Variants in FANCC observed in about 807,000 individuals in gnomAD.
FANCC encodes Fanconi anemia group C protein.
FANCC carries 55 observed loss-of-function variants against 71.3 expected under a neutral mutation model. The observed-to-expected ratio is 0.77, with a 90% confidence interval of 0.62 to 0.97. The LOEUF is 0.97. FANCC is among the 50% of genes least tolerant of loss of function. The probability of loss-of-function intolerance (pLI) is 0.00; values close to 1 mark genes in which losing one functional copy is unlikely to be tolerated. For missense variants in FANCC, 678 were observed against 670.9 expected, an observed-to-expected ratio of 1.01 and a Z score of -0.12; for synonymous variants, 275 against 244.9, an observed-to-expected ratio of 1.12 and a Z score of -1.15.
intron 4 of FANCC, among the ~76,000 whole-genome samples, chr9:95,177,213 C>T (rs927532928): frequency 6.6e-6 from 1 of 152,176 alleles, no homozygotes; most frequent in African/African-American, 2.4e-5. Context: ...GGGCTACAAA[C>T]CTGTGCAGCA....
chr9:95,264,960 AATTTACCCCTGTGTTTGTG>A (rs1361181043), intron 1 of FANCC, among the ~76,000 whole-genome samples: 1 of 149,780 alleles, frequency 6.7e-6, no homozygotes, highest in Non-Finnish European at 1.5e-5. Context: ...AAGACTGGTC[AATTTACCCCTGTGTTTGTG>A]GCTTTTTTTT....
intron 1 of FANCC, among the ~76,000 whole-genome samples, chr9:95,264,912 GCTGAAATGTAATGTTT>G (rs1832296292): frequency 6.6e-6 from 1 of 151,418 alleles, no homozygotes; most frequent in Non-Finnish European, 1.5e-5. Flanking sequence ...TTTTTAATTT[GCTGAAATGTAATGTTT>G]CTTTGCTTCA....
chr9:95,211,228 T>G lies in FANCC; in HGVS notation c.345+29421A>C, dbSNP rs576165537. On this transcript the variant is annotated intron_variant, in intron 4 of 14. Coordinates refer to ENST00000289081, the MANE Select transcript of FANCC (RefSeq NM_000136.3). ...CTGGGTGCACTTTCTGAATCAGGGC[T>G]GGAGAGCCATCGTGAGCAGAGCACA... Among the ~76,000 whole-genome samples the G allele has an allele frequency of 3.9e-5, 6 of 152,318 alleles. No individual in the cohort carries two copies. The South Asian group carries it at 1.2e-3, about 32-fold the overall frequency.
At chr9:95,111,923 G>A (rs1028414777) in intron 12 of FANCC, among the ~76,000 whole-genome samples, 1 of 152,214 alleles carries the variant, frequency 6.6e-6, no homozygotes, top group African/African-American at 2.4e-5. Flanking sequence ...ACTGAAGAAG[G>A]AAGACTGCGG....
intron 1 of FANCC, among the ~76,000 whole-genome samples, chr9:95,251,224 T>G (rs1335226312): frequency 2.0e-5 from 3 of 152,228 alleles, no homozygotes; most frequent in Admixed American, 2.0e-4. Flanking sequence ...AATTAAGGAA[T>G]GAATAATTCA....
At chr9:95,166,659 C>T (rs967507981) in intron 6 of FANCC, among the ~76,000 whole-genome samples, 5 of 152,104 alleles carry the variant, frequency 3.3e-5, no homozygotes, top group African/African-American at 4.8e-5. Flanking sequence ...GGTTCTGTAT[C>T]CATGGATTCA....
chr9:95,114,766 G>A (rs929089229), intron 11 of FANCC, 56 bp from the exon 12 acceptor site: 34 of 1,461,634 alleles, frequency 2.3e-5, no homozygotes, highest in Non-Finnish European at 3.2e-5. Flanking sequence ...AAGCCCATGA[G>A]GAACCACCTG....
intron 4 of FANCC, among the ~76,000 whole-genome samples, chr9:95,174,249 GTC>G (rs1283359247): frequency 1.3e-5 from 2 of 152,090 alleles, no homozygotes; most frequent in African/African-American, 4.8e-5. Context: ...TGAATGCTGT[GTC>G]TTCACATGGT....
chr9:95,192,540 G>A (rs1237336385), intron 4 of FANCC, among the ~76,000 whole-genome samples: 6 of 152,092 alleles, frequency 3.9e-5, no homozygotes, highest in Admixed American at 2.0e-4. Context: ...GCTGTTCAAC[G>A]CAATTACGAA....
At chr9:95,162,942 A>G (rs188873525) in intron 6 of FANCC, among the ~76,000 whole-genome samples, 57 of 152,280 alleles carry the variant, frequency 3.7e-4, no homozygotes, top group African/African-American at 1.3e-3. Flanking sequence ...CCTTTGTTGC[A>G]CAGACACTTA....
At chr9:95,246,890 A>G (rs1220714365) in intron 3 of FANCC, among the ~76,000 whole-genome samples, 1 of 152,186 alleles carries the variant, frequency 6.6e-6, no homozygotes, top group Non-Finnish European at 1.5e-5. Context: ...ACCTCCCCAA[A>G]GTGCCCCCAC....
At chr9:95,241,333 A>G (rs926084321) in intron 3 of FANCC, among the ~76,000 whole-genome samples, 3 of 152,232 alleles carry the variant, frequency 2.0e-5, no homozygotes, top group African/African-American at 7.2e-5. Context: ...GAAGTCTCTT[A>G]CATGCTCTTT....
intron 4 of FANCC, among the ~76,000 whole-genome samples, chr9:95,219,951 T>G (rs1354597631): frequency 1.3e-5 from 2 of 152,062 alleles, no homozygotes; most frequent in African/African-American, 4.8e-5. Flanking sequence ...GGGAGAAAAT[T>G]TTTGCAATCT....
intron 1 of FANCC, chr9:95,293,878 T>A: frequency 6.2e-7 from 1 of 1,606,518 alleles, no homozygotes; most frequent in South Asian, 1.1e-5. Flanking sequence ...CAAGCTGGAA[T>A]GTGCAGAGAC....
chr9:95,100,135 T>G lies in FANCC; in HGVS notation c.*1572A>C. The G allele has an allele frequency of 4.3e-6, 1 of 232,752 alleles. No homozygotes were observed. The highest frequency in any genetic ancestry group is 8.5e-6 in the Non-Finnish European group (1 of 117,740). 14.4% of individuals were successfully genotyped at this position (232,752 alleles called of 1,614,324 possible). A position where few individuals can be genotyped will look rare whatever the true frequency, so the allele number is the denominator to read the frequency against. On this transcript the variant is annotated 3_prime_UTR_variant, in exon 15 of 15. Coordinates refer to ENST00000289081, the MANE Select transcript of FANCC (RefSeq NM_000136.3). ...CTCCAGTGAAGCATGCAGCTCCTTT[T>G]TCAACCCCAACACCTCTGACGAAGC... is the stretch of plus-strand genomic sequence containing the variant.
intron 1 of FANCC, among the ~76,000 whole-genome samples, chr9:95,254,186 C>A (rs1229441952): frequency 6.6e-6 from 1 of 152,238 alleles, no homozygotes; most frequent in Non-Finnish European, 1.5e-5. Context: ...ACTATCTATC[C>A]ACATTTTAAT....
rs115638869 is a variant in FANCC, at chr9:95,105,856, C to G, written c.1533+1210G>C. 8.3e-3 allele frequency among the ~76,000 whole-genome samples: 1,269 copies of G among 152,324 alleles called. 17 individuals carry two copies. The highest frequency in any genetic ancestry group is 0.029 in the African/African-American group (1,187 of 41,578). ...TACTCTCTTGTGGGTACAGATCACA[C>G]GGTGCATTGCTTGTCCCTCTACAGG... On this transcript the variant is annotated intron_variant, in intron 14 of 14. Coordinates refer to ENST00000289081, the MANE Select transcript of FANCC (RefSeq NM_000136.3).
intron 14 of FANCC, among the ~76,000 whole-genome samples, chr9:95,105,867 T>C (rs1315340894): frequency 2.0e-5 from 3 of 152,232 alleles, no homozygotes; most frequent in African/African-American, 7.2e-5. Context: ...GGTGCATTGC[T>C]TGTCCCTCTA....
At chr9:95,146,487 C>CAAAAAAAAA (rs61093923) in intron 7 of FANCC, among the ~76,000 whole-genome samples, 11 of 45,516 alleles carry the variant, frequency 2.4e-4, no homozygotes, top group Admixed American at 7.9e-4. Flanking sequence ...GACCCCATCT[C>CAAAAAAAAA]AAAAAAAAAA....
Sources: allele counts gnomAD v4.1 joint callset (sites outside exome capture counted in the v4.1 genomes callset), GRCh38; gene constraint gnomAD v4.1.1; transcripts MANE v1.5; gene names NCBI Gene and HGNC (gene_info 2026-07-23, HGNC 2026-07-21).